Variants in BABAM2 observed in about 807,000 individuals in gnomAD.
BABAM2 encodes the protein BRISC and BRCA1-A complex member 2.
In BABAM2, 31 loss-of-function variants were observed where a neutral mutation model predicts 54.7. The observed-to-expected ratio is 0.57, with a 90% CI of 0.43 to 0.77. The LOEUF (loss-of-function observed/expected upper bound fraction) is 0.77. Ranked by LOEUF, BABAM2 falls within the 30% of genes least tolerant of loss-of-function variation. BABAM2 has a pLI of 0.00. For synonymous variants in BABAM2, 167 were observed against 162.9 expected, an observed-to-expected ratio of 1.03 and a Z score of -0.19; for missense variants, 364 against 455.8, an observed-to-expected ratio of 0.80 and a Z score of 1.83.
chr2:27,905,692 T>C (rs1382581361), intron 2 of BABAM2, among the ~76,000 whole-genome samples: 1 of 152,154 alleles, frequency 6.6e-6, no homozygotes, highest in Admixed American at 6.5e-5. Flanking sequence ...ACAGGAACTA[T>C]TGAATAAGAC....
intron 11 of BABAM2, among the ~76,000 whole-genome samples, chr2:28,332,132 A>AG (rs896864098): frequency 1.3e-5 from 2 of 152,208 alleles, no homozygotes; most frequent in African/African-American, 4.8e-5. Context: ...GGACACAGGG[A>AG]GGGGAACATC....
chr2:28,188,490 T>C (rs192235927), intron 7 of BABAM2, among the ~76,000 whole-genome samples: 1 of 152,264 alleles, frequency 6.6e-6, no homozygotes, highest in Admixed American at 6.5e-5. Context: ...AATTCTTGGA[T>C]ATTGAAGGGT....
intron 6 of BABAM2, among the ~76,000 whole-genome samples, chr2:28,064,011 C>T (rs1347844461): frequency 6.6e-6 from 1 of 152,160 alleles, no homozygotes; most frequent in Non-Finnish European, 1.5e-5. Flanking sequence ...TCTTTTTACC[C>T]CAAGAGACTA....
At chr2:28,328,178 C>T (rs1690645232) in intron 11 of BABAM2, among the ~76,000 whole-genome samples, 2 of 152,088 alleles carry the variant, frequency 1.3e-5, no homozygotes, top group Admixed American at 1.3e-4. Context: ...AGGCGAGTAA[C>T]CCCAAGTGAG....
At chr2:27,889,914 A>C, upstream of BABAM2, 1 of 249,758 alleles carries the variant, frequency 4.0e-6, no homozygotes, top group Non-Finnish European at 7.7e-6. Context: ...GACGTGGGCA[A>C]AGTTCCCTGG....
chr2:28,231,461 C>T (rs61299108), intron 7 of BABAM2, among the ~76,000 whole-genome samples: 12,259 of 152,156 alleles, frequency 0.081, 632 homozygotes, highest in African/African-American at 0.14. Context: ...GCACACATTG[C>T]TTTAGGATTT....
At chr2:27,961,143 A>T (rs546927188) in intron 3 of BABAM2, among the ~76,000 whole-genome samples, 2 of 152,240 alleles carry the variant, frequency 1.3e-5, no homozygotes, top group African/African-American at 4.8e-5. Context: ...ATTGGTGAAG[A>T]CAGGGTGAGA....
chr2:27,963,788 A>T (rs1262956895), intron 3 of BABAM2, among the ~76,000 whole-genome samples: 1 of 152,166 alleles, frequency 6.6e-6, no homozygotes, highest in African/African-American at 2.4e-5. Flanking sequence ...CAGATGAAAT[A>T]CTCTAGGGTT....
chr2:27,956,197 C>T (rs1042490650), intron 3 of BABAM2, among the ~76,000 whole-genome samples: 2 of 151,990 alleles, frequency 1.3e-5, no homozygotes, highest in African/African-American at 4.8e-5. Context: ...ATTAATGTAG[C>T]TCTTGGTTTC....
At chr2:28,118,604 G>A (rs1223074497) in intron 6 of BABAM2, among the ~76,000 whole-genome samples, 1 of 151,898 alleles carries the variant, frequency 6.6e-6, no homozygotes, top group East Asian at 1.9e-4. Context: ...TAAGTTCCTT[G>A]TAAACTCTGG....
At chr2:28,056,514 A>G (rs550766752) in intron 6 of BABAM2, among the ~76,000 whole-genome samples, 28 of 151,720 alleles carry the variant, frequency 1.8e-4, no homozygotes, top group African/African-American at 6.3e-4. Flanking sequence ...CAAAATTTCT[A>G]TTTTAGAATG....
rs149178160 is a variant in BABAM2 at position 27,996,504 on chromosome 2, G to A, written c.300+8417G>A. The A allele has an allele frequency of 6.4e-3, 988 of 154,916 alleles. 7 individuals are homozygous for A. The highest frequency in any genetic ancestry group is 0.01 in the Middle Eastern group (20 of 1,928). The allele number at this position is 154,916 out of a possible 1,614,324, so 9.6% of individuals were successfully genotyped here. A position where few individuals can be genotyped will look rare whatever the true frequency, so the allele number is the denominator to read the frequency against. On this transcript the variant is annotated intron_variant, in intron 4 of 11. Transcript: ENST00000379624. ...AATATTTAAACACACAAGCAGTGTG[G>A]ATCTCAAATTCTAAATGTTGTCTTA...
chr2:28,265,879 G>A (rs72784779), intron 10 of BABAM2, among the ~76,000 whole-genome samples: 158 of 152,016 alleles, frequency 1.0e-3, no homozygotes, highest in Non-Finnish European at 1.7e-3. Context: ...ATCCCCACCT[G>A]TTCCCAGTCT....
At position 28,268,148 on chromosome 2, in the gene BABAM2, G is replaced by T. The variant is rs536543646; in HGVS notation, c.934+23286G>T. 9.2e-5 allele frequency among the ~76,000 whole-genome samples: 14 copies of T among 152,308 alleles called. No homozygotes were observed. In the South Asian group the frequency reaches 1.4e-3, roughly 16 times the overall value. On this transcript the variant is annotated intron_variant, in intron 10 of 11. Coordinates refer to ENST00000379624, the MANE Select transcript of BABAM2 (RefSeq NM_199191.3). ...TGTCCATTTATTTATTAGGGATATAGAAATCTGCATTAAAGCCATGTTTCT... is the reference window on the plus strand; with the variant it reads ...TGTCCATTTATTTATTAGGGATATATAAATCTGCATTAAAGCCATGTTTCT...
chr2:28,323,187 C>T (rs547618343), intron 11 of BABAM2, among the ~76,000 whole-genome samples: 14 of 152,242 alleles, frequency 9.2e-5, no homozygotes, highest in Non-Finnish European at 1.8e-4. Context: ...CAGCCCATTA[C>T]TAGCACAGGA....
At chr2:28,021,224 GATA>G (rs1675238256) in intron 4 of BABAM2, among the ~76,000 whole-genome samples, 1 of 152,164 alleles carries the variant, frequency 6.6e-6, no homozygotes, top group African/African-American at 2.4e-5. Flanking sequence ...GCACTATCAG[GATA>G]ATAAGTTGAA....
intron 5 of BABAM2, among the ~76,000 whole-genome samples, chr2:28,044,377 G>A (rs1182525506): frequency 1.3e-5 from 2 of 151,908 alleles, no homozygotes; most frequent in Admixed American, 6.5e-5. Context: ...CTACAGGCAC[G>A]TGCCACCACG....
intron 7 of BABAM2, among the ~76,000 whole-genome samples, chr2:28,138,463 A>G (rs1417106636): frequency 6.6e-6 from 1 of 152,204 alleles, no homozygotes; most frequent in Non-Finnish European, 1.5e-5. Flanking sequence ...ATGCATAAAA[A>G]GTTTAAATAT....
chr2:28,216,744 A>G (rs1679951023), intron 7 of BABAM2, among the ~76,000 whole-genome samples: 1 of 152,218 alleles, frequency 6.6e-6, no homozygotes, highest in Non-Finnish European at 1.5e-5. Flanking sequence ...GAAGAAAGAA[A>G]CAGTTATAAA....
Sources: gnomAD v4.1 joint callset for allele counts (sites outside exome capture counted in the v4.1 genomes callset) on GRCh38, gnomAD v4.1.1 for gene constraint, MANE v1.5 for transcripts, NCBI Gene and HGNC (gene_info 2026-07-23, HGNC 2026-07-21) for gene names.